The following TOGARAM1 variants were observed in gnomAD, a reference collection of about 807,000 sequenced individuals.
The protein encoded by TOGARAM1 is TOG array regulator of axonemal microtubules protein 1.
Under a neutral mutation model 166.6 loss-of-function variants are expected in TOGARAM1, and 100 were observed. The observed-to-expected ratio is 0.60, with a 90% CI of 0.51 to 0.71. The LOEUF (loss-of-function observed/expected upper bound fraction) is 0.71, where lower values mean the gene tolerates loss of function less well. Ranked by LOEUF, TOGARAM1 falls within the 30% of genes least tolerant of loss-of-function variation. The pLI is 0.00. For missense variants in TOGARAM1, 2,029 were observed against 2,102.7 expected (o/e 0.96, Z 0.69); for synonymous variants, 758 against 763.8 (o/e 0.99, Z 0.13).
chr14:45,048,314 C>CA (rs1165258521), intron 14 of TOGARAM1, among the ~76,000 whole-genome samples: 3,106 of 41,780 alleles, frequency 0.074, 144 homozygotes, highest in African/African-American at 0.13. Flanking sequence ...GACTCCATCT[C>CA]AAAAAAAAAA....
At chr14:44,990,254 A>G (rs1887055761) in intron 1 of TOGARAM1, among the ~76,000 whole-genome samples, 1 of 152,276 alleles carries the variant, frequency 6.6e-6, no homozygotes, top group Non-Finnish European at 1.5e-5. Context: ...CGTAAAATCA[A>G]AACCCAGTTT....
At chr14:45,010,137 A>G (rs547262705) in intron 6 of TOGARAM1, among the ~76,000 whole-genome samples, 45 of 152,308 alleles carry the variant, frequency 3.0e-4, no homozygotes, top group African/African-American at 8.7e-4. Context: ...AAATATACGT[A>G]AATAGAGATT....
chr14:45,049,057 CAAAAAAAAAAAAAAAAAAAA>C (rs71108678), intron 14 of TOGARAM1, among the ~76,000 whole-genome samples: 1 of 47,300 alleles, frequency 2.1e-5, no homozygotes, highest in Non-Finnish European at 3.4e-5. Context: ...ACAAACTTCT[CAAAAAAAAAAAAAAAAAAAA>C]AAAAAAAAAG....
intron 17 of TOGARAM1, 70 bp from the exon 18 acceptor site, chr14:45,068,354 C>A: frequency 9.1e-7 from 1 of 1,098,310 alleles, no homozygotes; most frequent in Non-Finnish European, 1.3e-6. Flanking sequence ...TTATGACATG[C>A]CAAGATACTT....
At chr14:45,066,433 T>G (rs1371020251) in intron 16 of TOGARAM1, 145 bp from the exon 17 acceptor site, 1 of 585,398 alleles carries the variant, frequency 1.7e-6, no homozygotes, top group Non-Finnish European at 2.9e-6. Context: ...CCAGGAGAGA[T>G]ACTGTGGCTA....
At chr14:45,026,835 C>CAAAA (rs57156294) in intron 8 of TOGARAM1, among the ~76,000 whole-genome samples, 15,163 of 139,318 alleles carry the variant, frequency 0.11, 1,173 homozygotes, top group African/African-American at 0.22. Flanking sequence ...CCATCTCTAC[C>CAAAA]AAAAAAAAAA....
rs1435293443 is a variant in TOGARAM1 at position 44,999,515 on chromosome 14, A to G, written c.2338+18A>G. The G allele has an allele frequency of 1.3e-6, 2 of 1,565,580 alleles. No homozygotes were observed. ...AGAAAAAGGTATAAGTTCCAAATTT[A>G]CTTGGAAACAAATGACTTATAAATA... is the stretch of plus-strand genomic sequence containing the variant. On this transcript the variant is annotated intron_variant, in intron 3 of 19. Transcript: ENST00000361462.
intron 7 of TOGARAM1, among the ~76,000 whole-genome samples, chr14:45,013,982 T>C (rs1879963525): frequency 6.6e-6 from 1 of 152,006 alleles, no homozygotes; most frequent in Non-Finnish European, 1.5e-5. Context: ...CAGAGTGATC[T>C]CATAATAGTA....
At chr14:45,018,463 C>T (rs557793799) in intron 7 of TOGARAM1, among the ~76,000 whole-genome samples, 122 of 152,224 alleles carry the variant, frequency 8.0e-4, no homozygotes, top group African/African-American at 2.9e-3. Flanking sequence ...AGACTAGTCT[C>T]GAACTCCTGG....
intron 1 of TOGARAM1, among the ~76,000 whole-genome samples, chr14:44,981,232 T>C (rs947319060): frequency 1.1e-4 from 17 of 152,174 alleles, no homozygotes; most frequent in African/African-American, 4.1e-4. Context: ...GAGATATAGA[T>C]TCTGGAAGTC....
At position 45,073,611 on chromosome 14, in the gene TOGARAM1, A is replaced by T. The variant is rs746224226; in HGVS notation, c.*50A>T. ...GAACAAAAGTGTTTACATGATGACA[A>T]ATGGAACTTTCTAAAAGTTATGTTA... On this transcript the variant is annotated 3_prime_UTR_variant, in exon 20 of 20. Coordinates refer to ENST00000361462, the MANE Select transcript of TOGARAM1 (RefSeq NM_001308120.2). The T allele has an allele frequency of 6.5e-7, 1 of 1,537,046 alleles. No homozygotes were observed. Among genetic ancestry groups the T allele is most frequent in the Non-Finnish European group, 8.8e-7 (1 of 1,138,702 alleles).
intron 18 of TOGARAM1, 142 bp downstream of exon 18, chr14:45,068,785 A>G: frequency 7.2e-6 from 4 of 558,882 alleles, no homozygotes; most frequent in Non-Finnish European, 1.2e-5. Flanking sequence ...TTCTATTCTC[A>G]ATGGTTTTAA....
At chr14:44,966,243 A>G (rs1181750891) in intron 1 of TOGARAM1, among the ~76,000 whole-genome samples, 3 of 151,502 alleles carry the variant, frequency 2.0e-5, no homozygotes, top group African/African-American at 7.3e-5. Flanking sequence ...AGGCTGAGGC[A>G]GGCAGATAAC....
At chr14:45,020,662 A>T (rs1880446845) in intron 7 of TOGARAM1, among the ~76,000 whole-genome samples, 1 of 152,252 alleles carries the variant, frequency 6.6e-6, no homozygotes, top group Non-Finnish European at 1.5e-5. Flanking sequence ...AGCCATTCAA[A>T]CAGTGATAGG....
chr14:45,033,111 G>A (rs1881254089), intron 11 of TOGARAM1, among the ~76,000 whole-genome samples: 1 of 152,024 alleles, frequency 6.6e-6, no homozygotes, highest in African/African-American at 2.4e-5. Context: ...AAATTAGCCA[G>A]GCATGGTGGC....
rs564672293 is a variant in TOGARAM1, at chr14:45,021,951, C to G, written c.3239-3832C>G. Among the ~76,000 whole-genome samples the G allele has an allele frequency of 6.6e-5, 10 of 152,172 alleles. No homozygotes were observed. The East Asian group carries it at 1.9e-3, about 29-fold the overall frequency. ...ATACAGCATTTCGTATGGGCTAAGTCCTGCTTTTTGGGGAGAGTTTCGGAT... is the reference window on the plus strand; with the variant it reads ...ATACAGCATTTCGTATGGGCTAAGTGCTGCTTTTTGGGGAGAGTTTCGGAT... On this transcript the variant is annotated intron_variant, in intron 7 of 19. Coordinates refer to ENST00000361462, the MANE Select transcript of TOGARAM1 (RefSeq NM_001308120.2).
At chr14:45,044,583 G>T in intron 12 of TOGARAM1, 52 bp from the exon 13 acceptor site, 2 of 1,251,702 alleles carry the variant, frequency 1.6e-6, no homozygotes, top group Non-Finnish European at 1.1e-6. Context: ...GTTATTATTA[G>T]TGATTTTCTT....
intron 1 of TOGARAM1, among the ~76,000 whole-genome samples, chr14:44,978,743 G>A (rs1886354046): frequency 6.6e-6 from 1 of 151,638 alleles, no homozygotes; most frequent in Admixed American, 6.6e-5. Context: ...GCTGTAATAA[G>A]CTGAGATCAT....
At chr14:45,045,543 GTATATATATATATATATATATATATATA>G (rs375962126) in intron 13 of TOGARAM1, among the ~76,000 whole-genome samples, 1 of 38,922 alleles carries the variant, frequency 2.6e-5, no homozygotes, top group South Asian at 9.1e-4. Context: ...GTCTGTGTGT[GTATATATATATATATATATATATATATA>G]TATATATATA....
Sources: gnomAD v4.1 joint callset for allele counts (sites outside exome capture counted in the v4.1 genomes callset) on GRCh38, gnomAD v4.1.1 for gene constraint, MANE v1.5 for transcripts, NCBI Gene and HGNC (gene_info 2026-07-23, HGNC 2026-07-21) for gene names.